Variants in PHF14 observed in about 807,000 individuals in gnomAD.
PHF14 encodes PHD finger protein 14.
PHF14 carries 55 observed loss-of-function variants against 117.9 expected under a neutral mutation model. That is an observed-to-expected ratio of 0.47 (90% CI 0.38 to 0.58). The LOEUF (loss-of-function observed/expected upper bound fraction) is 0.58. Among genes scored for constraint, PHF14 ranks in the 20% least tolerant of loss-of-function variants. PHF14 has a pLI of 0.00. For missense variants in PHF14, 978 were observed against 1,122.2 expected (o/e 0.87, Z 1.84); for synonymous variants, 409 against 368.6 (o/e 1.11, Z -1.26).
At position 11,061,771 on chromosome 7, in the gene PHF14, T is replaced by G. The variant is rs142771271; in HGVS notation, c.2482-20T>G. On this transcript the variant is annotated intron_variant, in intron 14 of 17. Coordinates refer to ENST00000634607, the MANE Select transcript of PHF14 (RefSeq NM_001007157.2). ...TACTGTGGATTTTTGTTTTTTGTTT[T>G]TTTTTTTGTTTTTTTCCAGAGAACC... 6.7e-6 allele frequency: 10 copies of G among 1,493,404 alleles called. No individual in the cohort carries two copies. Among genetic ancestry groups the G allele is most frequent in the Middle Eastern group, 2.2e-4 (1 of 4,582 alleles). The allele number at this position is 1,493,404 out of a possible 1,614,324, so 92.5% of individuals were successfully genotyped here.
chr7:11,017,233 T>C (rs1783564987), intron 5 of PHF14, among the ~76,000 whole-genome samples: 1 of 152,122 alleles, frequency 6.6e-6, no homozygotes, highest in African/African-American at 2.4e-5. Flanking sequence ...ATCTCTTTAA[T>C]GTACTGATTT....
At chr7:11,073,569 G>C (rs541540098) in intron 16 of PHF14, among the ~76,000 whole-genome samples, 1 of 152,270 alleles carries the variant, frequency 6.6e-6, no homozygotes, top group South Asian at 2.1e-4. Context: ...GCTTTTCCAG[G>C]CTCAGGGTGC....
chr7:10,994,358 GA>G (rs2128311254), intron 4 of PHF14, among the ~76,000 whole-genome samples: 2 of 151,958 alleles, frequency 1.3e-5, no homozygotes, highest in South Asian at 4.2e-4. Flanking sequence ...AGAATGGCTT[GA>G]ACCCAGGAGG....
At chr7:11,074,386 A>G (rs945440622) in intron 16 of PHF14, among the ~76,000 whole-genome samples, 1 of 151,180 alleles carries the variant, frequency 6.6e-6, no homozygotes, top group African/African-American at 2.4e-5. Context: ...AATTTTTTGT[A>G]TTTTTAGTAG....
chr7:10,983,345 T>A (rs1388885430), intron 3 of PHF14, among the ~76,000 whole-genome samples, 186 bp downstream of exon 3: 2 of 152,192 alleles, frequency 1.3e-5, no homozygotes, highest in African/African-American at 4.8e-5. Flanking sequence ...ATCTACTATT[T>A]GTCACCGTTC....
At chr7:11,099,276 A>G (rs1393606727) in intron 16 of PHF14, among the ~76,000 whole-genome samples, 1 of 152,156 alleles carries the variant, frequency 6.6e-6, no homozygotes, top group East Asian at 1.9e-4. Flanking sequence ...AATCTGTATT[A>G]TAACATCAGA....
chr7:11,013,808 T>C lies in PHF14; in HGVS notation c.1107T>C (p.Thr369=). The change falls in exon 5 of 18, where the codon ACT becomes ACC. Residue 369 remains threonine, a synonymous_variant. Transcript: ENST00000634607. ...SIMSSASENS[T]EPWFCDACKC... The stretch of plus-strand genomic sequence containing the variant: ...TGAGTTCAGCTTCTGAAAACTCCAC[T>C]GAACCTTGGTTTTGTGATGCCTGTA... 1 of 1,607,670 alleles carries C rather than the reference T, an allele frequency of 6.2e-7. No homozygotes were observed. The highest frequency in any genetic ancestry group is 8.5e-7 in the Non-Finnish European group (1 of 1,174,688).
chr7:11,025,727 A>G (rs1321627614), intron 6 of PHF14, among the ~76,000 whole-genome samples: 3 of 152,174 alleles, frequency 2.0e-5, no homozygotes, highest in African/African-American at 7.2e-5. Flanking sequence ...CCCGGGAGGC[A>G]GAGCTTGCAG....
At chr7:11,093,344 G>A (rs994417390) in intron 16 of PHF14, among the ~76,000 whole-genome samples, 1 of 152,138 alleles carries the variant, frequency 6.6e-6, no homozygotes. Context: ...ACTTACGCCT[G>A]AAAAGGGCAC....
intron 17 of PHF14, among the ~76,000 whole-genome samples, chr7:11,123,498 T>A (rs1369603002): frequency 6.6e-6 from 1 of 152,124 alleles, no homozygotes; most frequent in African/African-American, 2.4e-5. Flanking sequence ...AGCTAGAAAG[T>A]TGGCTGGGCG....
intron 12 of PHF14, 61 bp from the exon 13 acceptor site, chr7:11,042,622 A>G (rs1367756808): frequency 8.4e-7 from 1 of 1,188,688 alleles, no homozygotes; most frequent in Non-Finnish European, 1.2e-6. Flanking sequence ...ATATGCTATA[A>G]GTAAACTGTT....
intron 3 of PHF14, among the ~76,000 whole-genome samples, chr7:10,989,703 T>C (rs1387581663): frequency 2.6e-5 from 4 of 152,212 alleles, no homozygotes; most frequent in South Asian, 4.1e-4. Context: ...AGATAATAGC[T>C]TGCTGCAGCA....
chr7:11,038,756 G>T lies in PHF14; in HGVS notation c.1981-4G>T, dbSNP rs775461685. ...GAAGTTTACTAATTTGGCTTACTTTGTAGCTATGTGAATCTTTAGAAGAAC... is the reference window on the plus strand; with the variant it reads ...GAAGTTTACTAATTTGGCTTACTTTTTAGCTATGTGAATCTTTAGAAGAAC... On this transcript the variant is annotated splice_region_variant and splice_polypyrimidine_tract_variant and intron_variant, in intron 10 of 17. Coordinates refer to ENST00000634607, the MANE Select transcript of PHF14 (RefSeq NM_001007157.2). 21 of 1,463,770 alleles carry T rather than the reference G, an allele frequency of 1.4e-5. No individual in the cohort carries two copies. The South Asian group carries it at 2.6e-4, about 18-fold the overall frequency. The allele number at this position is 1,463,770 out of a possible 1,614,324, so 90.7% of individuals were successfully genotyped here. A position where few individuals can be genotyped will look rare whatever the true frequency, so the allele number is the denominator to read the frequency against.
chr7:11,125,117 C>T (rs949066144), intron 17 of PHF14, among the ~76,000 whole-genome samples: 11 of 151,972 alleles, frequency 7.2e-5, no homozygotes, highest in African/African-American at 2.7e-4. Context: ...TATGTAGACA[C>T]AGCAGAAACT....
chr7:11,004,709 C>T (rs1313330771), intron 4 of PHF14, among the ~76,000 whole-genome samples: 2 of 144,892 alleles, frequency 1.4e-5, no homozygotes, highest in African/African-American at 5.1e-5. Flanking sequence ...GAGTATTGTG[C>T]TGGTGTTTAG....
chr7:10,991,213 C>T (rs1020300480), intron 4 of PHF14, among the ~76,000 whole-genome samples: 3 of 152,074 alleles, frequency 2.0e-5, no homozygotes, highest in Admixed American at 6.5e-5. Context: ...TGATGTCTCG[C>T]ACTGTTGCCC....
chr7:10,997,576 G>T (rs554743256), intron 4 of PHF14, among the ~76,000 whole-genome samples: 6 of 152,324 alleles, frequency 3.9e-5, no homozygotes, highest in African/African-American at 1.4e-4. Flanking sequence ...CTGGCTTAGA[G>T]TCTCTCATGA....
At chr7:11,049,503 A>G (rs1438362570) in intron 13 of PHF14, among the ~76,000 whole-genome samples, 1 of 151,526 alleles carries the variant, frequency 6.6e-6, no homozygotes, top group East Asian at 1.9e-4. Flanking sequence ...AGTGTAAATT[A>G]GAACTGTTTG....
At chr7:11,103,724 C>G (rs927800732) in intron 16 of PHF14, 1 of 984,234 alleles carries the variant, frequency 1.0e-6, no homozygotes, top group African/African-American at 1.8e-5. Context: ...TATAGATAAT[C>G]AAAAGCAATT....
Sources: gnomAD v4.1 joint callset for allele counts (sites outside exome capture counted in the v4.1 genomes callset) on GRCh38, gnomAD v4.1.1 for gene constraint, MANE v1.5 for transcripts, NCBI Gene and HGNC (gene_info 2026-07-23, HGNC 2026-07-21) for gene names.